Variants in CERS6 observed in about 807,000 individuals in gnomAD.
CERS6 encodes ceramide synthase 6.
CERS6 carries 26 observed loss-of-function variants against 56.8 expected under a neutral mutation model. That is an observed-to-expected ratio of 0.46 (90% CI 0.34 to 0.63). The LOEUF (loss-of-function observed/expected upper bound fraction) is 0.63. CERS6 is among the 30% of genes least tolerant of loss of function. The probability of loss-of-function intolerance (pLI) is 0.01; values close to 1 mark genes in which losing one functional copy is unlikely to be tolerated. For missense variants in CERS6, 415 were observed against 467.5 expected (o/e 0.89, Z 1.04); for synonymous variants, 164 against 173.3 (o/e 0.95, Z 0.42).
intron 3 of CERS6, among the ~76,000 whole-genome samples, chr2:168,610,997 C>T (rs556957192): frequency 3.9e-5 from 6 of 152,060 alleles, no homozygotes; most frequent in East Asian, 3.9e-4. Context: ...TTAGTAGAGA[C>T]GAGGTTTCAC....
chr2:168,598,659 A>T (rs919285129), intron 3 of CERS6, among the ~76,000 whole-genome samples: 2 of 152,190 alleles, frequency 1.3e-5, no homozygotes, highest in African/African-American at 4.8e-5. Context: ...CAATTCCCCA[A>T]CCAGTACAGA....
At chr2:168,744,086 A>G (rs1684018159) in intron 8 of CERS6, among the ~76,000 whole-genome samples, 1 of 143,270 alleles carries the variant, frequency 7.0e-6, no homozygotes, top group Admixed American at 7.4e-5. Flanking sequence ...GCTCACTGCA[A>G]GCTCCACCTC....
intron 2 of CERS6, among the ~76,000 whole-genome samples, chr2:168,555,404 C>A (rs1030962651): frequency 4.0e-5 from 6 of 151,692 alleles, no homozygotes; most frequent in African/African-American, 1.5e-4. Flanking sequence ...AAAAAATAGC[C>A]ATTTGGTTAA....
At chr2:168,604,071 A>G (rs960001895) in intron 3 of CERS6, among the ~76,000 whole-genome samples, 1 of 152,220 alleles carries the variant, frequency 6.6e-6, no homozygotes, top group African/African-American at 2.4e-5. Flanking sequence ...GTTAGAAGGA[A>G]AAATGTGTTT....
chr2:168,604,779 G>T (rs956777731), intron 3 of CERS6, among the ~76,000 whole-genome samples: 1 of 151,990 alleles, frequency 6.6e-6, no homozygotes, highest in African/African-American at 2.4e-5. Context: ...GTTTTTTGAG[G>T]TCTCCCCAGA....
intron 1 of CERS6, among the ~76,000 whole-genome samples, chr2:168,466,076 G>A (rs960489757): frequency 2.0e-5 from 3 of 146,718 alleles, no homozygotes; most frequent in African/African-American, 5.1e-5. Flanking sequence ...TTCCAGAATC[G>A]TCTGGCATAG....
At chr2:168,510,737 C>T (rs1694764452) in intron 1 of CERS6, among the ~76,000 whole-genome samples, 1 of 151,970 alleles carries the variant, frequency 6.6e-6, no homozygotes, top group African/African-American at 2.4e-5. Flanking sequence ...TGTTTGCTTT[C>T]TGCACCATTA....
intron 6 of CERS6, among the ~76,000 whole-genome samples, chr2:168,701,907 C>T (rs1403466070): frequency 6.6e-6 from 1 of 151,970 alleles, no homozygotes; most frequent in South Asian, 2.1e-4. Flanking sequence ...CGATGCACAT[C>T]CTCCCATATA....
chr2:168,570,724 G>C (rs1301261680), intron 3 of CERS6, among the ~76,000 whole-genome samples: 1 of 152,126 alleles, frequency 6.6e-6, no homozygotes, highest in African/African-American at 2.4e-5. Flanking sequence ...CTGGTTCATG[G>C]TCTGGCTCAA....
At chr2:168,551,146 G>A (rs1695563345) in intron 2 of CERS6, among the ~76,000 whole-genome samples, 1 of 152,222 alleles carries the variant, frequency 6.6e-6, no homozygotes, top group Admixed American at 6.5e-5. Flanking sequence ...GGACCCTTCT[G>A]AATGGGGGTC....
chr2:168,632,247 A>G (rs1021501788), intron 4 of CERS6, among the ~76,000 whole-genome samples: 1 of 152,132 alleles, frequency 6.6e-6, no homozygotes, highest in African/African-American at 2.4e-5. Flanking sequence ...CTCCAAAGTG[A>G]TATCAGTGTT....
At chr2:168,646,958 G>T (rs1038088918) in intron 4 of CERS6, among the ~76,000 whole-genome samples, 1 of 152,146 alleles carries the variant, frequency 6.6e-6, no homozygotes, top group Non-Finnish European at 1.5e-5. Flanking sequence ...TTGAGATCAG[G>T]TTAACGTGAT....
At chr2:168,464,560 T>C (rs1573999881) in intron 1 of CERS6, among the ~76,000 whole-genome samples, 2 of 152,082 alleles carry the variant, frequency 1.3e-5, no homozygotes, top group African/African-American at 4.8e-5. Flanking sequence ...GTGGAAGGAA[T>C]ACACTCAAGA....
At chr2:168,602,905 A>G (rs1209309735) in intron 3 of CERS6, among the ~76,000 whole-genome samples, 2 of 152,230 alleles carry the variant, frequency 1.3e-5, no homozygotes, top group East Asian at 3.8e-4. Context: ...CTTTGGGGGC[A>G]CTGATGGAGT....
intron 3 of CERS6, among the ~76,000 whole-genome samples, chr2:168,617,290 A>G (rs1684341335): frequency 6.6e-6 from 1 of 152,174 alleles, no homozygotes; most frequent in South Asian, 2.1e-4. Context: ...CTGAAAGAGC[A>G]CACACGGACA....
rs75128656 is a variant in CERS6, at chr2:168,718,816, G to A, written c.845+838G>A. On this transcript the variant is annotated intron_variant, in intron 8 of 9. Coordinates refer to ENST00000305747, the MANE Select transcript of CERS6 (RefSeq NM_203463.3). Reference sequence around the variant, plus strand: ...CTGCTATTTCCCCACCTTGTTTCAGGTATATAAAAGAGCTTTGTCAGAGGT... The same window carrying A: ...CTGCTATTTCCCCACCTTGTTTCAGATATATAAAAGAGCTTTGTCAGAGGT... 7.2e-3 allele frequency among the ~76,000 whole-genome samples: 1,089 copies of A among 152,194 alleles called. 6 individuals carry two copies. The highest frequency in any genetic ancestry group is 0.025 in the South Asian group (120 of 4,806).
chr2:168,560,838 T>A (rs1027902307), intron 2 of CERS6, among the ~76,000 whole-genome samples: 15 of 152,198 alleles, frequency 9.9e-5, no homozygotes, highest in Admixed American at 2.0e-4. Context: ...AAATTTACCT[T>A]CAATGGACTC....
At chr2:168,768,098 A>G (rs1559086674) in intron 9 of CERS6, among the ~76,000 whole-genome samples, 1 of 151,990 alleles carries the variant, frequency 6.6e-6, no homozygotes, top group East Asian at 1.9e-4. Context: ...AAATAGTAGG[A>G]TTTTTCTCAT....
chr2:168,659,401 A>T (rs1052396927), intron 4 of CERS6, among the ~76,000 whole-genome samples: 1 of 152,256 alleles, frequency 6.6e-6, no homozygotes, highest in African/African-American at 2.4e-5. Context: ...CACTTCTTGT[A>T]TATATAGAAA....
Sources: allele counts gnomAD v4.1 joint callset (sites outside exome capture counted in the v4.1 genomes callset), GRCh38; gene constraint gnomAD v4.1.1; transcripts MANE v1.5; gene names NCBI Gene and HGNC (gene_info 2026-07-23, HGNC 2026-07-21).